The following HAO1 variants were observed in gnomAD, a reference collection of about 807,000 sequenced individuals.
The protein encoded by HAO1 is hydroxyacid oxidase 1, also known as 2-Hydroxyacid oxidase 1.
A neutral mutation model predicts 39.7 loss-of-function variants in HAO1; 34 were observed. The ratio of observed to expected loss-of-function variants is 0.86; its 90% CI spans 0.65 to 1.14. HAO1 has a LOEUF of 1.14. HAO1 is among the 50% of genes most tolerant of loss of function. The pLI is 0.00. For synonymous variants in HAO1, 172 were observed against 173.2 expected, an observed-to-expected ratio of 0.99 and a Z score of 0.05; for missense variants, 479 against 464.5, an observed-to-expected ratio of 1.03 and a Z score of -0.29.
At position 7,890,032 on chromosome 20, in the gene HAO1, C is replaced by T. The variant is rs139176138; in HGVS notation, c.814-4168G>A. On this transcript the variant is annotated intron_variant, in intron 5 of 7. Coordinates refer to ENST00000378789, the MANE Select transcript of HAO1 (RefSeq NM_017545.3). ...CCACAGCCTCCCCCAAGACCTTTAC[C>T]GCTCACAGAAAAACCCACACACTGA... 4.4e-3 allele frequency among the ~76,000 whole-genome samples: 665 copies of T among 152,196 alleles called. 1 individual carries two copies. Among genetic ancestry groups the T allele is most frequent in the African/African-American group, 0.015 (620 of 41,542 alleles).
intron 2 of HAO1, among the ~76,000 whole-genome samples, chr20:7,920,778 T>C: frequency 6.6e-6 from 1 of 152,188 alleles, no homozygotes; most frequent in Non-Finnish European, 1.5e-5. Flanking sequence ...CATCTGTCAA[T>C]GGATACTTAG....
intron 2 of HAO1, among the ~76,000 whole-genome samples, chr20:7,933,645 T>C (rs2050396603): frequency 6.6e-6 from 1 of 152,224 alleles, no homozygotes; most frequent in South Asian, 2.1e-4. Context: ...AGATCCTTAA[T>C]TCTTAAAACT....
chr20:7,886,022 G>A (rs1481631707), intron 5 of HAO1, among the ~76,000 whole-genome samples, 158 bp from the exon 6 acceptor site: 1 of 152,168 alleles, frequency 6.6e-6, no homozygotes, highest in African/African-American at 2.4e-5. Flanking sequence ...TCAAAGAAGA[G>A]AGGTACAAAT....
At chr20:7,891,414 A>G (rs2050173738) in intron 5 of HAO1, among the ~76,000 whole-genome samples, 1 of 151,652 alleles carries the variant, frequency 6.6e-6, no homozygotes, top group Non-Finnish European at 1.5e-5. Flanking sequence ...TCTTATTTGT[A>G]TGAGTTCGTT....
chr20:7,895,096 A>G, intron 5 of HAO1, 37 bp downstream of exon 5: 1 of 1,255,202 alleles, frequency 8.0e-7, no homozygotes. Context: ...GGAAATGGGA[A>G]CTCCAAAAGG....
At chr20:7,890,529 TTTG>T (rs2050169591) in intron 5 of HAO1, among the ~76,000 whole-genome samples, 1 of 152,138 alleles carries the variant, frequency 6.6e-6, no homozygotes, top group Non-Finnish European at 1.5e-5. Context: ...TTGTCTTTTG[TTTG>T]TTTTTTAATT....
rs141255648 is a variant in HAO1, at chr20:7,901,991, T to C, written c.721+4163A>G. On this transcript the variant is annotated intron_variant, in intron 4 of 7. Coordinates refer to ENST00000378789, the MANE Select transcript of HAO1 (RefSeq NM_017545.3). ...GAATTAGATGTGGAGCCTGAAGCTG[T>C]GACTAAATTGCTGCAATCATGAGAT... 2.4e-3 allele frequency among the ~76,000 whole-genome samples: 365 copies of C among 152,332 alleles called. 1 individual carries two copies. The highest frequency in any genetic ancestry group is 8.1e-3 in the African/African-American group (335 of 41,570).
intron 2 of HAO1, 128 bp from the exon 3 acceptor site, chr20:7,914,547 G>A: frequency 1.0e-6 from 1 of 967,372 alleles, no homozygotes; most frequent in Non-Finnish European, 1.5e-6. Context: ...ATCTCTTAAA[G>A]AGAGAAGAAA....
chr20:7,940,096 C>G (rs555334264), intron 1 of HAO1, among the ~76,000 whole-genome samples, 190 bp downstream of exon 1: 53 of 152,252 alleles, frequency 3.5e-4, no homozygotes, highest in African/African-American at 1.2e-3. Flanking sequence ...CCTCAAGATT[C>G]ACAGGCTTGG....
chr20:7,916,174 TAGTAAAATTGG>T lies in HAO1; in HGVS notation c.290-1766_290-1756del, dbSNP rs570460637. ...AGGTAGGCTTTCTTCCAAAAATTGG[TAGTAAAATTGG>T]AGTAAAATTGGAGTCAGCCTTAGTG... On this transcript the variant is annotated intron_variant, in intron 2 of 7. Transcript: ENST00000378789. Among the ~76,000 whole-genome samples, 286 of 152,222 alleles carry T rather than the reference TAGTAAAATTGG, an allele frequency of 1.9e-3. 2 individuals carry two copies. The highest frequency in any genetic ancestry group is 6.4e-3 in the African/African-American group (266 of 41,532).
chr20:7,916,796 A>C (rs376607745), intron 2 of HAO1, among the ~76,000 whole-genome samples: 1 of 152,198 alleles, frequency 6.6e-6, no homozygotes. Flanking sequence ...GGAGGTCATC[A>C]TGTCTATAGA....
intron 7 of HAO1, among the ~76,000 whole-genome samples, chr20:7,884,722 G>C (rs185409458): frequency 6.6e-6 from 1 of 152,156 alleles, no homozygotes; most frequent in Admixed American, 6.5e-5. Context: ...GAAAGATGAC[G>C]GGAGTCAAAC....
chr20:7,923,559 A>G (rs1242215418), intron 2 of HAO1, among the ~76,000 whole-genome samples: 1 of 152,142 alleles, frequency 6.6e-6, no homozygotes, highest in Non-Finnish European at 1.5e-5. Context: ...TCTGAACTTA[A>G]TAGGCTCTCA....
intron 5 of HAO1, among the ~76,000 whole-genome samples, chr20:7,887,956 A>G (rs981999920): frequency 1.3e-5 from 2 of 152,156 alleles, no homozygotes; most frequent in Non-Finnish European, 2.9e-5. Flanking sequence ...TTCTGATCAA[A>G]CAGATTAGAT....
At chr20:7,895,560 T>C (rs2122757000) in intron 4 of HAO1, among the ~76,000 whole-genome samples, 2 of 151,960 alleles carry the variant, frequency 1.3e-5, no homozygotes, top group South Asian at 4.1e-4. Flanking sequence ...CATTTTATCA[T>C]TTAGCAAAAT....
At chr20:7,900,338 T>C (rs1051575806) in intron 4 of HAO1, among the ~76,000 whole-genome samples, 1 of 152,118 alleles carries the variant, frequency 6.6e-6, no homozygotes, top group African/African-American at 2.4e-5. Flanking sequence ...CAGATAATCA[T>C]TAGCATTTTT....
chr20:7,887,320 C>T (rs1182301088), intron 5 of HAO1, among the ~76,000 whole-genome samples: 2 of 152,148 alleles, frequency 1.3e-5, no homozygotes, highest in East Asian at 1.9e-4. Flanking sequence ...CTCAAGTCCA[C>T]CTTTTCCAGA....
chr20:7,898,626 T>G (rs1366226867), intron 4 of HAO1, among the ~76,000 whole-genome samples: 1 of 152,166 alleles, frequency 6.6e-6, no homozygotes, highest in Non-Finnish European at 1.5e-5. Flanking sequence ...AATAAAAATG[T>G]TCTAGATCTG....
chr20:7,886,490 T>C (rs1008956964), intron 5 of HAO1, among the ~76,000 whole-genome samples: 10 of 152,140 alleles, frequency 6.6e-5, no homozygotes, highest in African/African-American at 2.4e-4. Context: ...TTGACATAAA[T>C]TATTCTGAAC....
Sources: allele counts gnomAD v4.1 joint callset (sites outside exome capture counted in the v4.1 genomes callset), GRCh38; gene constraint gnomAD v4.1.1; transcripts MANE v1.5; gene names NCBI Gene and HGNC (gene_info 2026-07-23, HGNC 2026-07-21).